NDUFAF6: variants seen among roughly 807,000 people sequenced by gnomAD.
NDUFAF6 encodes the protein NADH:ubiquinone oxidoreductase complex assembly factor 6.
A neutral mutation model predicts 40.8 loss-of-function variants in NDUFAF6; 45 were observed. The ratio of observed to expected loss-of-function variants is 1.10; its 90% CI spans 0.87 to 1.42. NDUFAF6 has a LOEUF of 1.42. NDUFAF6 is among the 40% of genes most tolerant of loss of function. The pLI is 0.00. For synonymous variants in NDUFAF6, 185 were observed against 155.9 expected, an observed-to-expected ratio of 1.19 and a Z score of -1.39; for missense variants, 435 against 418.5, an observed-to-expected ratio of 1.04 and a Z score of -0.34.
intron 9 of NDUFAF6, among the ~76,000 whole-genome samples, chr8:95,066,227 T>G (rs1157070842): frequency 6.7e-6 from 1 of 150,290 alleles, no homozygotes; most frequent in East Asian, 2.0e-4. Flanking sequence ...TCCTCCCACC[T>G]CAGCCTCCCA....
chr8:95,064,064 G>GTTTTTTT (rs1832639900), intron 9 of NDUFAF6, among the ~76,000 whole-genome samples: 2 of 57,386 alleles, frequency 3.5e-5, no homozygotes, highest in Non-Finnish European at 3.6e-5. Context: ...TTTTTTTTTT[G>GTTTTTTT]GATTTTTACT....
intron 2 of NDUFAF6, among the ~76,000 whole-genome samples, chr8:94,983,392 G>A (rs1259497879): frequency 6.6e-6 from 1 of 150,914 alleles, no homozygotes; most frequent in African/African-American, 2.4e-5. Flanking sequence ...AGCCTCCTGA[G>A]TAGCTGGGAT....
chr8:94,999,009 A>G (rs1375362122), intron 2 of NDUFAF6, among the ~76,000 whole-genome samples: 1 of 152,108 alleles, frequency 6.6e-6, no homozygotes, highest in Non-Finnish European at 1.5e-5. Context: ...TGTATTTTAC[A>G]CCACCACACA....
At chr8:95,082,699 G>A (rs575411879) in intron 2 of NDUFAF6, among the ~76,000 whole-genome samples, 83 of 152,010 alleles carry the variant, frequency 5.5e-4, no homozygotes, top group South Asian at 2.1e-4. Flanking sequence ...TCGCTCTGTC[G>A]CCCAGGCTGG....
intron 2 of NDUFAF6, 101 bp downstream of exon 2, chr8:95,032,195 G>C: frequency 5.0e-6 from 5 of 994,146 alleles, no homozygotes; most frequent in Non-Finnish European, 6.3e-6. Context: ...TATGTTAGAT[G>C]TGTTTAAGGT....
chr8:94,993,400 G>A (rs1006003699), intron 2 of NDUFAF6, among the ~76,000 whole-genome samples: 1 of 152,182 alleles, frequency 6.6e-6, no homozygotes, highest in African/African-American at 2.4e-5. Context: ...CCCCAGTAAG[G>A]GGTTTAATCT....
At position 94,997,343 on chromosome 8, in the gene NDUFAF6, C is replaced by CACACACACAGAG. The variant is rs1242904810; in HGVS notation, c.-84+16371_-84+16372insCACACACAGAGA. Among the ~76,000 whole-genome samples, 782 of 90,514 alleles carry CACACACACAGAG rather than the reference C, an allele frequency of 8.6e-3. 4 individuals are homozygous for CACACACACAGAG. Among genetic ancestry groups the CACACACACAGAG allele is most frequent in the East Asian group, 0.014 (39 of 2,858 alleles). 59.4% of individuals were successfully genotyped at this position (90,514 alleles called of 152,430 possible). On this transcript the variant is annotated intron_variant, in intron 2 of 9. Transcript: ENST00000396111. ...ACACACACACACACACACACACACACAGAGAGAGAGAGAGAGAGAGAGACA... is the reference window on the plus strand; with the variant it reads ...ACACACACACACACACACACACACACACACACACAGAGAGAGAGAGAGAGAGAGAGAGAGACA...
Position 94,931,607 on chromosome 8 carries a change from C to CATATAT in NDUFAF6, c.-935-13875_-935-13874insTATATA, listed in dbSNP as rs1393122525. 7.3e-3 allele frequency among the ~76,000 whole-genome samples: 1,091 copies of CATATAT among 149,712 alleles called. 7 individuals are homozygous for CATATAT. Among genetic ancestry groups the CATATAT allele is most frequent in the African/African-American group, 0.022 (890 of 39,646 alleles). On this transcript the variant is annotated intron_variant, in intron 1 of 14. Coordinates refer to the NDUFAF6 transcript ENST00000396113. Reference sequence around the variant, plus strand: ...TTTATTACACACACACACACACACACACATAAAATTTTTTTAAAGTAGAAT... The same window carrying CATATAT: ...TTTATTACACACACACACACACACACATATATACATAAAATTTTTTTAAAGTAGAAT...
chr8:95,024,994 C>T lies in NDUFAF6; in HGVS notation c.-15C>T. ...GCCGACGGCGGGGGGTCGAAGGGCA[C>T]GCAGTGCCGGCGTCATGGCGGCCTC... On this transcript the variant is annotated 5_prime_UTR_variant, in exon 1 of 9. In the 5' UTR this introduces an upstream ATG that the reference lacks. Transcript: ENST00000396124. The T allele has an allele frequency of 1.5e-6, 2 of 1,321,138 alleles. No homozygotes were observed. Among genetic ancestry groups the T allele is most frequent in the Non-Finnish European group, 1.9e-6 (2 of 1,042,082 alleles). 81.8% of individuals were successfully genotyped at this position (1,321,138 alleles called of 1,614,324 possible). A position where few individuals can be genotyped will look rare whatever the true frequency, so the allele number is the denominator to read the frequency against.
Position 95,092,932 on chromosome 8 carries a change from T to G in NDUFAF6, n.214-8200T>G, listed in dbSNP as rs578181225. ...CAAAATCCTATATCCATTTTACTTT[T>G]GCAGAAATAGTATCCAAAATAAAAC... On this transcript the variant is annotated intron_variant and non_coding_transcript_variant, in intron 2 of 5. Transcript: ENST00000523184. Among the ~76,000 whole-genome samples the G allele has an allele frequency of 3.9e-5, 6 of 152,372 alleles. No homozygotes were observed. In the South Asian group the frequency reaches 1.2e-3, roughly 32 times the overall value.
chr8:95,028,147 T>A (rs1563801684), intron 1 of NDUFAF6, among the ~76,000 whole-genome samples: 1 of 152,246 alleles, frequency 6.6e-6, no homozygotes, highest in African/African-American at 2.4e-5. Flanking sequence ...CCCCGTGTGC[T>A]TGTTTCTTAT....
At chr8:95,092,472 T>G (rs13248868) in intron 2 of NDUFAF6, among the ~76,000 whole-genome samples, 106,580 of 151,652 alleles carry the variant, frequency 0.7, 38,215 homozygotes, top group East Asian at 0.89. Context: ...GTGAGCCACC[T>G]CACCTGGCCC....
chr8:95,028,793 C>G (rs954624433), intron 1 of NDUFAF6, among the ~76,000 whole-genome samples: 1 of 152,158 alleles, frequency 6.6e-6, no homozygotes, highest in Non-Finnish European at 1.5e-5. Flanking sequence ...CAGTGTTTTT[C>G]TCACTGTTTC....
chr8:94,931,587 T>TACACAC (rs557721378), intron 1 of NDUFAF6, among the ~76,000 whole-genome samples: 4,505 of 68,602 alleles, frequency 0.066, 120 homozygotes, highest in African/African-American at 0.1. Flanking sequence ...ACATATTTAT[T>TACACAC]ACACACACAC....
At chr8:95,030,355 A>G (rs757017330) in intron 1 of NDUFAF6, among the ~76,000 whole-genome samples, 1 of 152,144 alleles carries the variant, frequency 6.6e-6, no homozygotes, top group Admixed American at 6.6e-5. Context: ...CTTCCTAAGT[A>G]GCTAGGACCA....
At chr8:95,041,718 A>G in intron 4 of NDUFAF6, 92 bp downstream of exon 4, 1 of 1,090,044 alleles carries the variant, frequency 9.2e-7, no homozygotes, top group Non-Finnish European at 1.4e-6. Flanking sequence ...CTGTATATTA[A>G]TATTTTGGAG....
downstream of NDUFAF6, among the ~76,000 whole-genome samples, chr8:95,061,854 G>T (rs1246735748): frequency 1.3e-5 from 2 of 152,108 alleles, no homozygotes. Context: ...GTACAGTGAT[G>T]TGAAGTACTT....
chr8:94,987,690 C>A (rs1183292601), intron 2 of NDUFAF6, among the ~76,000 whole-genome samples: 1 of 152,096 alleles, frequency 6.6e-6, no homozygotes, highest in East Asian at 1.9e-4. Flanking sequence ...AGAAGCCCCA[C>A]CCCCTCCTAT....
At chr8:95,008,109 G>A (rs1827080589) in intron 2 of NDUFAF6, among the ~76,000 whole-genome samples, 1 of 152,180 alleles carries the variant, frequency 6.6e-6, no homozygotes, top group South Asian at 2.1e-4. Flanking sequence ...TGGAGGCAGT[G>A]TTAAAAGCCT....
Sources: allele counts gnomAD v4.1 joint callset (sites outside exome capture counted in the v4.1 genomes callset), GRCh38; gene constraint gnomAD v4.1.1; transcripts MANE v1.5; gene names NCBI Gene and HGNC (gene_info 2026-07-23, HGNC 2026-07-21).